The following ATXN1 variants were observed in gnomAD, a reference collection of about 807,000 sequenced individuals.
ATXN1 encodes the protein ataxin 1.
Under a neutral mutation model 56.4 loss-of-function variants are expected in ATXN1, and 8 were observed. The ratio of observed to expected loss-of-function variants is 0.14; its 90% CI spans 0.08 to 0.26. The LOEUF (loss-of-function observed/expected upper bound fraction) is 0.26, where lower values mean the gene tolerates loss of function less well. Ranked by LOEUF, ATXN1 falls within the 10% of genes least tolerant of loss-of-function variation. The pLI, the probability that ATXN1 is intolerant of heterozygous loss-of-function variation, is 1.00. For synonymous variants in ATXN1, 514 were observed against 494.6 expected, an observed-to-expected ratio of 1.04 and a Z score of -0.52; for missense variants, 987 against 1,106.5, an observed-to-expected ratio of 0.89 and a Z score of 1.53.
At chr6:16,600,066 C>T (rs571177134) in intron 3 of ATXN1, among the ~76,000 whole-genome samples, 1 of 152,148 alleles carries the variant, frequency 6.6e-6, no homozygotes, top group African/African-American at 2.4e-5. Context: ...TAATTCTTGG[C>T]CATTGTTTTT....
Position 16,301,088 on chromosome 6 carries a change from T to TTTTC in ATXN1, c.*5240_*5241insGAAA, listed in dbSNP as rs1482218664. 6.6e-6 allele frequency: 1 copy of TTTTC among 152,226 alleles called. No homozygotes were observed. Among genetic ancestry groups the TTTTC allele is most frequent in the East Asian group, 1.9e-4 (1 of 5,188 alleles). The allele number at this position is 152,226 out of a possible 1,614,324, so 9.4% of individuals were successfully genotyped here. ...TGTAACTTTCAACCCTTCTCTGCTT[T>TTTTC]TTTTTTTTTACAAACAAAGTATGAA... On this transcript the variant is annotated 3_prime_UTR_variant, in exon 8 of 8. Transcript: ENST00000436367.
chr6:16,497,438 AT>A, intron 5 of ATXN1, among the ~76,000 whole-genome samples: 1 of 152,202 alleles, frequency 6.6e-6, no homozygotes, highest in East Asian at 1.9e-4. Context: ...GGGCTTGGAG[AT>A]CCACCTTCGA....
At chr6:16,626,547 C>T (rs1359027275) in intron 3 of ATXN1, among the ~76,000 whole-genome samples, 1 of 152,170 alleles carries the variant, frequency 6.6e-6, no homozygotes, top group Non-Finnish European at 1.5e-5. Context: ...CCACCCACCT[C>T]GGCCTCCCAA....
At chr6:16,594,902 C>T (rs7765024) in intron 3 of ATXN1, among the ~76,000 whole-genome samples, 14,005 of 152,200 alleles carry the variant, frequency 0.092, 2,088 homozygotes, top group African/African-American at 0.31. Context: ...CGTAAGATGA[C>T]GGTTACTTTA....
intron 3 of ATXN1, among the ~76,000 whole-genome samples, chr6:16,598,412 G>A (rs1762855539): frequency 6.6e-6 from 1 of 152,126 alleles, no homozygotes; most frequent in South Asian, 2.1e-4. Context: ...CAAAATATAT[G>A]CATATGCATA....
chr6:16,616,665 ATATAT>A (rs1201936515), intron 3 of ATXN1, among the ~76,000 whole-genome samples: 1 of 146,242 alleles, frequency 6.8e-6, no homozygotes, highest in African/African-American at 2.5e-5. Context: ...ATAAAATTAT[ATATAT>A]TATATATTAA....
intron 3 of ATXN1, among the ~76,000 whole-genome samples, chr6:16,657,071 C>T (rs532937997): frequency 1.5e-5 from 2 of 135,276 alleles, no homozygotes; most frequent in East Asian, 4.3e-4. Flanking sequence ...GCAAGCTCTG[C>T]CTCCCAGGTT....
chr6:16,670,076 G>A (rs1011101560), intron 2 of ATXN1, among the ~76,000 whole-genome samples: 1 of 152,068 alleles, frequency 6.6e-6, no homozygotes, highest in African/African-American at 2.4e-5. Flanking sequence ...CACTAAGCCT[G>A]TTCCTGGTAC....
At chr6:16,684,307 G>A (rs114480336) in intron 2 of ATXN1, among the ~76,000 whole-genome samples, 1 of 152,168 alleles carries the variant, frequency 6.6e-6, no homozygotes, top group Non-Finnish European at 1.5e-5. Flanking sequence ...CAAGGATGAT[G>A]TTTTCTAGGG....
At chr6:16,722,303 TG>T (rs1249252332) in intron 2 of ATXN1, among the ~76,000 whole-genome samples, 1 of 152,070 alleles carries the variant, frequency 6.6e-6, no homozygotes, top group East Asian at 1.9e-4. Flanking sequence ...GTTCAGCAAA[TG>T]GGGATGATTA....
chr6:16,472,633 A>G (rs1760242008), intron 6 of ATXN1, among the ~76,000 whole-genome samples: 1 of 152,188 alleles, frequency 6.6e-6, no homozygotes, highest in Non-Finnish European at 1.5e-5. Flanking sequence ...AGTCCTCCAC[A>G]TAATTGTTTA....
intron 7 of ATXN1, among the ~76,000 whole-genome samples, chr6:16,316,865 CTTTTTTTTTT>C (rs375359789): frequency 1.3e-4 from 13 of 99,450 alleles, no homozygotes; most frequent in Non-Finnish European, 1.8e-4. Flanking sequence ...GACTGCCTGT[CTTTTTTTTTT>C]TTTTTTTTTT....
intron 3 of ATXN1, among the ~76,000 whole-genome samples, chr6:16,617,162 T>C (rs1763230102): frequency 6.6e-6 from 1 of 152,094 alleles, no homozygotes; most frequent in Non-Finnish European, 1.5e-5. Context: ...TGCACAATTA[T>C]AACCAACACT....
At chr6:16,671,489 A>C (rs1758541581) in intron 2 of ATXN1, among the ~76,000 whole-genome samples, 1 of 152,094 alleles carries the variant, frequency 6.6e-6, no homozygotes, top group Non-Finnish European at 1.5e-5. Context: ...TCTGAAGTGA[A>C]ACTAATCAAT....
At chr6:16,414,899 A>T (rs1327245581) in intron 6 of ATXN1, among the ~76,000 whole-genome samples, 1 of 152,220 alleles carries the variant, frequency 6.6e-6, no homozygotes, top group African/African-American at 2.4e-5. Flanking sequence ...CAATTTAAGG[A>T]TCTATAGATT....
chr6:16,450,770 T>C (rs1759736779), intron 6 of ATXN1, among the ~76,000 whole-genome samples: 1 of 152,232 alleles, frequency 6.6e-6, no homozygotes, highest in Non-Finnish European at 1.5e-5. Context: ...AAAATCAATG[T>C]CCAATCTTGG....
intron 5 of ATXN1, among the ~76,000 whole-genome samples, chr6:16,493,524 AC>A (rs1760711883): frequency 8.9e-6 from 1 of 111,894 alleles, no homozygotes; most frequent in Non-Finnish European, 1.8e-5. Flanking sequence ...TCCTTATGTT[AC>A]TAACCATTTT....
chr6:16,741,493 G>A (rs753841222), intron 2 of ATXN1, among the ~76,000 whole-genome samples: 2 of 152,186 alleles, frequency 1.3e-5, no homozygotes, highest in Non-Finnish European at 2.9e-5. Flanking sequence ...TTTAAAGGAA[G>A]TCTCATTTCT....
chr6:16,714,934 G>A (rs1759607857), intron 2 of ATXN1, among the ~76,000 whole-genome samples: 1 of 152,090 alleles, frequency 6.6e-6, no homozygotes, highest in African/African-American at 2.4e-5. Flanking sequence ...TCTAATTTGT[G>A]CCTTGTCTGT....
Sources: allele counts gnomAD v4.1 joint callset (sites outside exome capture counted in the v4.1 genomes callset), GRCh38; gene constraint gnomAD v4.1.1; transcripts MANE v1.5; gene names NCBI Gene and HGNC (gene_info 2026-07-23, HGNC 2026-07-21).